Variants in AK6 observed in about 807,000 individuals in gnomAD.
AK6 encodes adenylate kinase isoenzyme 6.
AK6 carries 24 observed loss-of-function variants against 23.7 expected under a neutral mutation model. The ratio of observed to expected loss-of-function variants is 1.01; its 90% CI spans 0.73 to 1.43. AK6 has a LOEUF of 1.43. Among genes scored for constraint, AK6 ranks in the 40% most tolerant of loss-of-function variants. The probability of loss-of-function intolerance (pLI) is 0.00; values close to 1 mark genes in which losing one functional copy is unlikely to be tolerated. For synonymous variants in AK6, 73 were observed against 69.8 expected (o/e 1.05, Z -0.23); for missense variants, 191 against 199.1 (o/e 0.96, Z 0.24).
At chr5:69,369,342 G>A (rs1762736984) in intron 1 of AK6, 121 bp downstream of exon 1, 1 of 1,086,084 alleles carries the variant, frequency 9.2e-7, no homozygotes, top group Non-Finnish European at 1.2e-6. Flanking sequence ...CAACCGCCTC[G>A]TGGCCCTCGG....
chr5:69,366,211 A>G (rs1185560957), intron 2 of AK6, among the ~76,000 whole-genome samples: 1 of 152,176 alleles, frequency 6.6e-6, no homozygotes, highest in African/African-American at 2.4e-5. Flanking sequence ...GTTCAACTTA[A>G]AAACATTCTC....
chr5:69,369,666 G>A (rs970620391), upstream of AK6: 1 of 1,558,074 alleles, frequency 6.4e-7, no homozygotes, highest in Non-Finnish European at 8.7e-7. Context: ...CCTGGCTTTC[G>A]ATGACACATT....
At position 69,365,881 on chromosome 5, in the gene AK6, A is replaced by C. The variant is rs4252231; in HGVS notation, c.121+622T>G. On this transcript the variant is annotated intron_variant, in intron 2 of 4. Transcript: ENST00000380822. ...CTGTAAAAAAATTTTTAAAATTTAA[A>C]CCATATGTTTTCTTAATTTTAATGA... is the stretch of plus-strand genomic sequence containing the variant. 2.8e-3 allele frequency: 1,742 copies of C among 613,926 alleles called. 33 individuals are homozygous for C. The African/African-American group carries it at 0.029, about 10-fold the overall frequency. The allele number at this position is 613,926 out of a possible 1,614,324, so 38.0% of individuals were successfully genotyped here.
chr5:69,352,153 G>A lies in AK6; in HGVS notation c.427C>T (p.Gln143Ter). The part of the protein sequence containing the change: ...TASYKEEIVH[Q>*]LPSNKPEELE... ...TCTTCTGGTTTATTACTGGGCAGCT[G>A]ATGCACGATTTCTTCCTTGTAGGAT... Residue 143 changes from glutamine to a stop codon, truncating the protein, a stop_gained, in exon 5 of 5, where the codon CAG (glutamine) becomes TAG (stop). Transcript: ENST00000380822. LOFTEE classifies it high-confidence loss of function. 6.2e-7 allele frequency: 1 copy of A among 1,613,894 alleles called. No homozygotes were observed. Among genetic ancestry groups the A allele is most frequent in the Non-Finnish European group, 8.5e-7 (1 of 1,179,880 alleles).
At chr5:69,357,760 TTACAC>T (rs972902489) in intron 2 of AK6, among the ~76,000 whole-genome samples, 7 of 152,132 alleles carry the variant, frequency 4.6e-5, no homozygotes, top group African/African-American at 1.7e-4. Flanking sequence ...ATTTAGATAT[TTACAC>T]TACCATTTAA....
At chr5:69,354,610 C>T (rs937282655) in intron 4 of AK6, among the ~76,000 whole-genome samples, 1 of 152,158 alleles carries the variant, frequency 6.6e-6, no homozygotes, top group African/African-American at 2.4e-5. Context: ...CTGGTTCTTC[C>T]GCATTAAATC....
intron 4 of AK6, among the ~76,000 whole-genome samples, chr5:69,353,049 A>G (rs1333818799): frequency 6.6e-6 from 1 of 152,250 alleles, no homozygotes; most frequent in African/African-American, 2.4e-5. Flanking sequence ...CATACAATGG[A>G]ATATTATTTG....
chr5:69,355,892 T>G lies in AK6; in HGVS notation c.180+3A>C. The G allele has an allele frequency of 6.2e-7, 1 of 1,608,852 alleles. No individual in the cohort carries two copies. Among genetic ancestry groups the G allele is most frequent in the Non-Finnish European group, 8.5e-7 (1 of 1,178,364 alleles). On this transcript the variant is annotated splice_donor_region_variant and intron_variant, in intron 3 of 4. Coordinates refer to ENST00000380822, the MANE Select transcript of AK6 (RefSeq NM_016283.5). ...GCATACTTTATGAAAAAGTCATACTTACTCTGTCTTCATCTAAAATGGGAC... is the reference window on the plus strand; with the variant it reads ...GCATACTTTATGAAAAAGTCATACTGACTCTGTCTTCATCTAAAATGGGAC...
chr5:69,351,946 C>T lies in AK6; in HGVS notation c.*115G>A. On this transcript the variant is annotated 3_prime_UTR_variant, in exon 5 of 5. Coordinates refer to ENST00000380822, the MANE Select transcript of AK6 (RefSeq NM_016283.5). ...ACACAGGCATAAACCTATATACTAT[C>T]CACCTGCTGGTTCTGCAACATGATT... 1.2e-6 allele frequency: 1 copy of T among 807,394 alleles called. No homozygotes were observed. Among genetic ancestry groups the T allele is most frequent in the Non-Finnish European group, 1.9e-6 (1 of 525,940 alleles). The allele number at this position is 807,394 out of a possible 1,614,324, so 50.0% of individuals were successfully genotyped here. A position where few individuals can be genotyped will look rare whatever the true frequency, so the allele number is the denominator to read the frequency against.
At chr5:69,357,759 T>G (rs1182834166) in intron 2 of AK6, among the ~76,000 whole-genome samples, 1 of 152,166 alleles carries the variant, frequency 6.6e-6, no homozygotes, top group African/African-American at 2.4e-5. Flanking sequence ...CATTTAGATA[T>G]TTACACTACC....
At chr5:69,352,481 C>A (rs1421186572) in intron 4 of AK6, among the ~76,000 whole-genome samples, 1 of 151,902 alleles carries the variant, frequency 6.6e-6, no homozygotes, top group Non-Finnish European at 1.5e-5. Flanking sequence ...AATTTCCCCC[C>A]CCCACAATTT....
chr5:69,356,664 A>C (rs1037324188), intron 2 of AK6, among the ~76,000 whole-genome samples: 2 of 152,100 alleles, frequency 1.3e-5, no homozygotes, highest in African/African-American at 4.8e-5. Context: ...AAAGAAAGAA[A>C]GAAAAAAGCA....
intron 1 of AK6, 154 bp from the exon 2 acceptor site, chr5:69,366,749 A>C (rs970853691): frequency 1.6e-6 from 1 of 624,048 alleles, no homozygotes; most frequent in African/African-American, 1.8e-5. Context: ...TTTCCTAATT[A>C]GCAATCATAT....
chr5:69,362,809 G>C (rs1762276477), intron 2 of AK6, among the ~76,000 whole-genome samples: 1 of 152,074 alleles, frequency 6.6e-6, no homozygotes, highest in Non-Finnish European at 1.5e-5. Flanking sequence ...AGTCAGACCA[G>C]AAATCTTTTA....
At chr5:69,353,504 G>T (rs1448808023) in intron 4 of AK6, among the ~76,000 whole-genome samples, 1 of 151,874 alleles carries the variant, frequency 6.6e-6, no homozygotes, top group Non-Finnish European at 1.5e-5. Context: ...CACCATGTTG[G>T]TCAGGCTGGT....
chr5:69,362,058 G>T (rs1268053164), intron 2 of AK6, among the ~76,000 whole-genome samples: 2 of 145,874 alleles, frequency 1.4e-5, no homozygotes, highest in Non-Finnish European at 3.0e-5. Flanking sequence ...TCACCAGGAT[G>T]ATACTAAACT....
intron 2 of AK6, among the ~76,000 whole-genome samples, chr5:69,361,416 C>T (rs1356273580): frequency 6.6e-5 from 10 of 151,804 alleles, no homozygotes; most frequent in Non-Finnish European, 1.5e-4. Context: ...CCACCGCGCC[C>T]GGCCCACAGT....
chr5:69,365,921 G>A lies in AK6; in HGVS notation c.121+582C>T, dbSNP rs964171099. Among the ~76,000 whole-genome samples the A allele has an allele frequency of 5.3e-5, 8 of 152,102 alleles. No homozygotes were observed. The East Asian group carries it at 7.7e-4, about 15-fold the overall frequency. Reference sequence around the variant, plus strand: ...AATTTTAATGAGGCAACTTAAGGTCGCTTTAATTTATTGAGTTCCTACCAT... The same window carrying A: ...AATTTTAATGAGGCAACTTAAGGTCACTTTAATTTATTGAGTTCCTACCAT... On this transcript the variant is annotated intron_variant, in intron 2 of 4. Coordinates refer to ENST00000380822, the MANE Select transcript of AK6 (RefSeq NM_016283.5).
At chr5:69,367,877 G>A (rs538762596) in intron 1 of AK6, 2 of 152,300 alleles carry the variant, frequency 1.3e-5, no homozygotes, top group African/African-American at 4.8e-5. Context: ...TTTAAAAACT[G>A]TTCATGGCCA....
Sources: allele counts gnomAD v4.1 joint callset (sites outside exome capture counted in the v4.1 genomes callset), GRCh38; gene constraint gnomAD v4.1.1; transcripts MANE v1.5; gene names NCBI Gene and HGNC (gene_info 2026-07-23, HGNC 2026-07-21).